The following DIP2C variants were observed in gnomAD, a reference collection of about 807,000 sequenced individuals.
The protein encoded by DIP2C is disco-interacting protein 2 homolog C.
In DIP2C, 33 loss-of-function variants were observed where a neutral mutation model predicts 192.4. The observed-to-expected ratio is 0.17, with a 90% CI of 0.13 to 0.23. The LOEUF is 0.23. Among genes scored for constraint, DIP2C ranks in the 10% least tolerant of loss-of-function variants. The pLI is 1.00. For synonymous variants in DIP2C, 979 were observed against 864.1 expected, an observed-to-expected ratio of 1.13 and a Z score of -2.33; for missense variants, 1,537 against 2,110.1, an observed-to-expected ratio of 0.73 and a Z score of 5.32.
At chr10:509,838 G>T (rs1196295595) in intron 1 of DIP2C, among the ~76,000 whole-genome samples, 1 of 152,096 alleles carries the variant, frequency 6.6e-6, no homozygotes, top group African/African-American at 2.4e-5. Context: ...GGACAGGGCC[G>T]CCGCAGTCTC....
intron 1 of DIP2C, among the ~76,000 whole-genome samples, chr10:492,484 CAT>C (rs1228607184): frequency 1.1e-4 from 16 of 152,338 alleles, no homozygotes; most frequent in African/African-American, 1.4e-4. Flanking sequence ...CCAGGGTAAA[CAT>C]AAAGCCTGCA....
chr10:408,425 T>C (rs980858730), intron 9 of DIP2C, among the ~76,000 whole-genome samples: 1 of 152,196 alleles, frequency 6.6e-6, no homozygotes, highest in Non-Finnish European at 1.5e-5. Context: ...CAATAAAAAA[T>C]GGGAAAGAAT....
chr10:479,142 A>G (rs1279222386), intron 2 of DIP2C, among the ~76,000 whole-genome samples: 1 of 152,208 alleles, frequency 6.6e-6, no homozygotes, highest in Non-Finnish European at 1.5e-5. Flanking sequence ...TCTTGTTCAC[A>G]TCGTAAAACT....
chr10:616,188 G>T (rs76924909), intron 1 of DIP2C, among the ~76,000 whole-genome samples: 1 of 152,060 alleles, frequency 6.6e-6, no homozygotes, highest in Non-Finnish European at 1.5e-5. Context: ...TAAATTCCTC[G>T]ATTTTATCAA....
chr10:527,828 A>G (rs1417031803), intron 1 of DIP2C, among the ~76,000 whole-genome samples: 2 of 152,242 alleles, frequency 1.3e-5, no homozygotes, highest in East Asian at 3.8e-4. Context: ...GCTGAATGGC[A>G]TAATCAGCCA....
intron 1 of DIP2C, among the ~76,000 whole-genome samples, chr10:672,094 AAAC>A (rs1830677693): frequency 6.7e-6 from 1 of 149,442 alleles, no homozygotes; most frequent in Admixed American, 6.7e-5. Flanking sequence ...CGGACGGAGT[AAAC>A]AGGCCACAGA....
intron 3 of DIP2C, among the ~76,000 whole-genome samples, chr10:467,565 T>TAAAAAAAAA (rs71376835): frequency 7.7e-6 from 1 of 130,406 alleles, no homozygotes; most frequent in Non-Finnish European, 1.6e-5. Flanking sequence ...TATTTAAGTG[T>TAAAAAAAAA]AAAAAAAAAA....
intron 1 of DIP2C, among the ~76,000 whole-genome samples, chr10:619,890 C>T (rs1423496776): frequency 1.3e-5 from 2 of 152,188 alleles, no homozygotes; most frequent in Non-Finnish European, 2.9e-5. Flanking sequence ...ACCAGGTGGA[C>T]AAGCTACACC....
intron 1 of DIP2C, among the ~76,000 whole-genome samples, chr10:658,332 A>ACCTGCCC (rs1856538269): frequency 1.7e-5 from 1 of 59,308 alleles, no homozygotes; most frequent in Non-Finnish European, 3.5e-5. Flanking sequence ...TGGACCTGAC[A>ACCTGCCC]CTGGACCTGC....
At chr10:645,213 T>A (rs1027557961) in intron 1 of DIP2C, among the ~76,000 whole-genome samples, 1 of 152,208 alleles carries the variant, frequency 6.6e-6, no homozygotes, top group Admixed American at 6.5e-5. Flanking sequence ...AGAGCTGGCA[T>A]GAACGTTCCA....
chr10:356,246 A>G (rs1959073328), intron 24 of DIP2C, 180 bp downstream of exon 24: 1 of 724,778 alleles, frequency 1.4e-6, no homozygotes, highest in African/African-American at 1.8e-5. Context: ...ATAACTGCAC[A>G]AATGGTTACG....
At chr10:291,349 G>A (rs1955489777) in intron 32 of DIP2C, among the ~76,000 whole-genome samples, 1 of 152,222 alleles carries the variant, frequency 6.6e-6, no homozygotes, top group South Asian at 2.1e-4. Context: ...ATGAAAACAG[G>A]CACAGGGTGC....
intron 1 of DIP2C, among the ~76,000 whole-genome samples, chr10:521,983 C>A (rs1338101688): frequency 6.6e-6 from 1 of 152,016 alleles, no homozygotes; most frequent in Non-Finnish European, 1.5e-5. Flanking sequence ...CCTGCTGCTG[C>A]TCACTCTGTG....
At position 291,401 on chromosome 10, in the gene DIP2C, C is replaced by T. The variant is rs184054789; in HGVS notation, c.3987-2980G>A. Among the ~76,000 whole-genome samples the T allele has an allele frequency of 5.2e-4, 79 of 152,310 alleles. 1 individual carries two copies. The highest frequency in any genetic ancestry group is 1.0e-3 in the South Asian group (5 of 4,826). On this transcript the variant is annotated intron_variant, in intron 32 of 36. Transcript: ENST00000280886. ...GTGCTGGATGAAAAAGCTAAATATC[C>T]TGCTAGCAAATGCCACACAGGAATT... is the stretch of plus-strand genomic sequence containing the variant.
At chr10:598,175 T>G (rs538659242) in intron 1 of DIP2C, among the ~76,000 whole-genome samples, 49 of 152,120 alleles carry the variant, frequency 3.2e-4, no homozygotes, top group African/African-American at 1.1e-3. Context: ...GGAGCAGCAC[T>G]CACTGGGGGA....
rs1273597508 is a variant in DIP2C at position 356,455 on chromosome 10, G to T, written c.2956C>A (p.His986Asn). Residue 986 changes from histidine (H) to asparagine (N), a missense_variant, in exon 24 of 37, where the codon CAC becomes AAC. His to Asn is a moderately conservative substitution (Grantham distance 68, BLOSUM62 1). This residue lies in a region of DIP2C where 677 missense variants were observed against 989.9 expected (regional missense o/e 0.68). Coordinates refer to ENST00000280886, the MANE Select transcript of DIP2C (RefSeq NM_014974.3). The stretch of plus-strand genomic sequence containing the variant: ...CAGTTGAGCAGCGTGTAGAGGATGT[G>T]GTCCGGGGTGGTCTGTGCTCTCCAC... The part of the protein sequence containing the change: ...LQWRAQTTPD[H>N]ILYTLLNCRG... The T allele has an allele frequency of 6.2e-7, 1 of 1,611,972 alleles. No individual in the cohort carries two copies. The highest frequency in any genetic ancestry group is 8.5e-7 in the Non-Finnish European group (1 of 1,179,940).
Position 680,155 on chromosome 10 carries a change from G to A in DIP2C, c.85+9339C>T, listed in dbSNP as rs79275027. 9.9e-3 allele frequency among the ~76,000 whole-genome samples: 1,514 copies of A among 152,290 alleles called. 33 individuals are homozygous for A. Among genetic ancestry groups the A allele is most frequent in the African/African-American group, 0.035 (1,436 of 41,556 alleles). ...GGCACAGAAGTGCAGCCCAGAGAACGCTTGGGACCCTGGCACAGACTCCTC... is the reference window on the plus strand; with the variant it reads ...GGCACAGAAGTGCAGCCCAGAGAACACTTGGGACCCTGGCACAGACTCCTC... On this transcript the variant is annotated intron_variant, in intron 1 of 36. Coordinates refer to ENST00000280886, the MANE Select transcript of DIP2C (RefSeq NM_014974.3).
At chr10:628,927 G>T (rs1854351851) in intron 1 of DIP2C, 1 of 152,340 alleles carries the variant, frequency 6.6e-6, no homozygotes, top group African/African-American at 2.4e-5. Context: ...TGGCGAATGA[G>T]GTCAGCCTGT....
chr10:537,388 G>A (rs909643031), intron 1 of DIP2C, among the ~76,000 whole-genome samples: 6 of 152,154 alleles, frequency 3.9e-5, no homozygotes, highest in African/African-American at 7.2e-5. Context: ...AATACCCATC[G>A]TTAACTAATA....
Sources: allele counts gnomAD v4.1 joint callset (sites outside exome capture counted in the v4.1 genomes callset), GRCh38; gene constraint gnomAD v4.1.1; regional missense constraint gnomAD v4.1.1; transcripts MANE v1.5; gene names NCBI Gene and HGNC (gene_info 2026-07-23, HGNC 2026-07-21).